The following ABHD18 variants were observed in gnomAD, a reference collection of about 807,000 sequenced individuals.
ABHD18 encodes abhydrolase domain containing 18.
A neutral mutation model predicts 65.9 loss-of-function variants in ABHD18; 55 were observed. The ratio of observed to expected loss-of-function variants is 0.84; its 90% CI spans 0.67 to 1.05. ABHD18 has a LOEUF of 1.05. Among genes scored for constraint, ABHD18 ranks in the 50% least tolerant of loss-of-function variants. ABHD18 has a pLI of 0.00. For missense variants in ABHD18, 533 were observed against 558.5 expected, an observed-to-expected ratio of 0.95 and a Z score of 0.46; for synonymous variants, 181 against 180.2, an observed-to-expected ratio of 1.00 and a Z score of -0.04.
rs146597212 is a variant in ABHD18 at position 128,028,330 on chromosome 4, A to G, written c.802-145A>G. On this transcript the variant is annotated intron_variant, in intron 10 of 12. Transcript: ENST00000645843. ...AGAATTTCATTCCTTTTAAGACTGC[A>G]TAATGTTTAATTGTTTGAATATACT... 292 of 603,912 alleles carry G rather than the reference A, an allele frequency of 4.8e-4. No individual in the cohort carries two copies. The African/African-American group carries it at 5.0e-3, about 10-fold the overall frequency. 37.4% of individuals were successfully genotyped at this position (603,912 alleles called of 1,614,324 possible).
chr4:128,024,863 C>T (rs34050873), intron 10 of ABHD18, among the ~76,000 whole-genome samples: 15 of 151,640 alleles, frequency 9.9e-5, no homozygotes, highest in African/African-American at 2.7e-4. Flanking sequence ...CGGCTAATTT[C>T]GTATTTTTAG....
chr4:128,025,915 T>C (rs1273752668), intron 10 of ABHD18, among the ~76,000 whole-genome samples: 1 of 152,194 alleles, frequency 6.6e-6, no homozygotes, highest in Non-Finnish European at 1.5e-5. Context: ...CCCAGCACTT[T>C]GGGAGGCCGA....
rs1223342151 is a variant in ABHD18, at chr4:127,965,508, TG to T, written c.-112del. 1 of 363,598 alleles carries T rather than the reference TG, an allele frequency of 2.8e-6. No individual in the cohort carries two copies. Among genetic ancestry groups the T allele is most frequent in the Non-Finnish European group, 5.2e-6 (1 of 190,590 alleles). 22.5% of individuals were successfully genotyped at this position (363,598 alleles called of 1,614,324 possible). ...CTGGAAAGGTTACCGGAGCTGCGAT[TG>T]GGGCTGGGACCAAAGTTGAGTCCTG... On this transcript the variant is annotated 5_prime_UTR_variant, in exon 1 of 13. Transcript: ENST00000645843.
At chr4:128,019,023 AAAAAAAAAAATTC>A (rs1756023300) in intron 8 of ABHD18, among the ~76,000 whole-genome samples, 1 of 152,010 alleles carries the variant, frequency 6.6e-6, no homozygotes, top group African/African-American at 2.4e-5. Flanking sequence ...CAAAAAAAAA[AAAAAAAAAAATTC>A]AAAACAACTA....
intron 8 of ABHD18, 22 bp downstream of exon 8, chr4:128,017,523 T>G: frequency 6.4e-7 from 1 of 1,569,844 alleles, no homozygotes; most frequent in Non-Finnish European, 8.6e-7. Flanking sequence ...TATTTCTGCT[T>G]ACATTTAATT....
At chr4:127,970,908 C>A (rs779946468) in intron 1 of ABHD18, among the ~76,000 whole-genome samples, 4 of 151,996 alleles carry the variant, frequency 2.6e-5, no homozygotes, top group African/African-American at 7.2e-5. Flanking sequence ...AACACTGTCT[C>A]TACTAAAAAT....
chr4:127,972,921 T>C (rs1747122600), intron 1 of ABHD18, among the ~76,000 whole-genome samples: 1 of 152,198 alleles, frequency 6.6e-6, no homozygotes, highest in South Asian at 2.1e-4. Flanking sequence ...TTTTGGTTTT[T>C]TTGTTGTTGT....
At position 128,017,395 on chromosome 4, in the gene ABHD18, T is replaced by G; in HGVS notation, c.503T>G (p.Phe168Cys). Residue 168 changes from phenylalanine to cysteine, a missense_variant, in exon 8 of 13, where the codon TTT becomes TGT. Transcript: ENST00000645843. The part of the protein sequence containing the change: ...RSSLKNVSDL[F>C]VMGGALVLES... Reference sequence around the variant, plus strand: ...AGCTTAAAAAATGTGTCCGACCTTTTTGTGATGGGAGGAGCTCTTGTTTTA... The same window carrying G: ...AGCTTAAAAAATGTGTCCGACCTTTGTGTGATGGGAGGAGCTCTTGTTTTA... The G allele has an allele frequency of 6.2e-7, 1 of 1,613,918 alleles. No homozygotes were observed. Among genetic ancestry groups the G allele is most frequent in the African/African-American group, 1.3e-5 (1 of 75,066 alleles).
intron 1 of ABHD18, among the ~76,000 whole-genome samples, chr4:127,981,576 AG>A (rs1749058882): frequency 6.6e-6 from 1 of 152,198 alleles, no homozygotes; most frequent in Non-Finnish European, 1.5e-5. Context: ...ACATATTCTT[AG>A]AAGTGCAGGA....
At chr4:127,974,621 T>C (rs1347095170) in intron 1 of ABHD18, among the ~76,000 whole-genome samples, 1 of 151,714 alleles carries the variant, frequency 6.6e-6, no homozygotes, top group Non-Finnish European at 1.5e-5. Flanking sequence ...TATCCACCCG[T>C]GTCAGCCTCC....
At chr4:127,998,943 A>G (rs1157594710) in intron 4 of ABHD18, among the ~76,000 whole-genome samples, 1 of 152,180 alleles carries the variant, frequency 6.6e-6, no homozygotes, top group African/African-American at 2.4e-5. Context: ...TTTAGAGTCT[A>G]GAATCCAAAG....
rs974862964 is a variant in ABHD18, at chr4:128,020,126, T to A, written c.656T>A (p.Ile219Asn). 1 of 1,613,728 alleles carries A rather than the reference T, an allele frequency of 6.2e-7. No individual in the cohort carries two copies. ...VSNWPKPMPL[I>N]PCLSWSTASG... Reference sequence around the variant, plus strand: ...AACTGGCCTAAGCCCATGCCATTGATTCCATGCCTGTCTTGGTCCACAGCA... The same window carrying A: ...AACTGGCCTAAGCCCATGCCATTGAATCCATGCCTGTCTTGGTCCACAGCA... Residue 219 changes from isoleucine to asparagine, a missense_variant, in exon 9 of 13, where the codon ATT becomes AAT. Coordinates refer to ENST00000645843, the MANE Select transcript of ABHD18 (RefSeq NM_001358451.3).
intron 9 of ABHD18, 108 bp from the exon 10 acceptor site, chr4:128,021,029 G>A (rs1392073822): frequency 4.4e-5 from 28 of 630,750 alleles, no homozygotes; most frequent in Non-Finnish European, 6.0e-5. Flanking sequence ...GTGAGACTTC[G>A]TCTGCAAAAA....
At chr4:128,012,095 G>A (rs375304762) in intron 7 of ABHD18, among the ~76,000 whole-genome samples, 22 of 151,614 alleles carry the variant, frequency 1.5e-4, no homozygotes, top group Non-Finnish European at 7.4e-5. Flanking sequence ...CTCTGCCTCA[G>A]CCTCCCAAGT....
rs895749945 is a variant in ABHD18 at position 128,036,406 on chromosome 4, T to C, written c.*593T>C. ...TTTTTCTTTTTTTTTTCTTTTAACA[T>C]GTACCTCTACTTGAATGTAAGTGCT... On this transcript the variant is annotated 3_prime_UTR_variant, in exon 13 of 13. Coordinates refer to ENST00000645843, the MANE Select transcript of ABHD18 (RefSeq NM_001358451.3). 1.3e-5 allele frequency: 2 copies of C among 152,158 alleles called. No homozygotes were observed. Among genetic ancestry groups the C allele is most frequent in the African/African-American group, 4.8e-5 (2 of 41,432 alleles). 9.4% of individuals were successfully genotyped at this position (152,158 alleles called of 1,614,324 possible). A position where few individuals can be genotyped will look rare whatever the true frequency, so the allele number is the denominator to read the frequency against.
intron 3 of ABHD18, among the ~76,000 whole-genome samples, chr4:127,985,394 C>CT (rs1344283202): frequency 6.6e-6 from 1 of 152,004 alleles, no homozygotes; most frequent in Non-Finnish European, 1.5e-5. Context: ...TTTTGGATAT[C>CT]TTTTAGATTT....
intron 1 of ABHD18, among the ~76,000 whole-genome samples, chr4:127,970,291 T>G (rs987594621): frequency 6.6e-6 from 1 of 152,080 alleles, no homozygotes; most frequent in African/African-American, 2.4e-5. Context: ...CATTTCATGC[T>G]GATGTTAAGA....
intron 10 of ABHD18, among the ~76,000 whole-genome samples, chr4:128,024,836 G>T (rs969125777): frequency 6.6e-5 from 10 of 152,068 alleles, no homozygotes; most frequent in Non-Finnish European, 1.5e-4. Flanking sequence ...GGGATTACAG[G>T]CATGTGCCAC....
chr4:127,980,031 C>T (rs1273235138), intron 1 of ABHD18, among the ~76,000 whole-genome samples: 1 of 151,240 alleles, frequency 6.6e-6, no homozygotes, highest in East Asian at 1.9e-4. Flanking sequence ...TGTTACATTA[C>T]TTTAGTAATT....
Sources: gnomAD v4.1 joint callset for allele counts (sites outside exome capture counted in the v4.1 genomes callset) on GRCh38, gnomAD v4.1.1 for gene constraint, MANE v1.5 for transcripts, NCBI Gene and HGNC (gene_info 2026-07-23, HGNC 2026-07-21) for gene names.